Variants in HTR1F observed in about 807,000 individuals in gnomAD.
The protein encoded by HTR1F is 5-hydroxytryptamine (serotonin) receptor 1F, G protein-coupled.
A neutral mutation model predicts 24.0 loss-of-function variants in HTR1F; 17 were observed. The observed-to-expected ratio is 0.71, with a 90% CI of 0.48 to 1.06. The LOEUF is 1.06. Among genes scored for constraint, HTR1F ranks in the 50% least tolerant of loss-of-function variants. The probability of loss-of-function intolerance (pLI) is 0.00; values close to 1 mark genes in which losing one functional copy is unlikely to be tolerated. For synonymous variants in HTR1F, 186 were observed against 156.8 expected (o/e 1.19, Z -1.39); for missense variants, 391 against 427.8 (o/e 0.91, Z 0.76).
intron 2 of HTR1F, among the ~76,000 whole-genome samples, chr3:87,874,074 G>T (rs1012805168): frequency 6.6e-6 from 1 of 152,008 alleles, no homozygotes; most frequent in Non-Finnish European, 1.5e-5. Flanking sequence ...ACAAGACAAG[G>T]AGATGTCCAC....
chr3:87,927,311 A>T (rs1377025807), intron 2 of HTR1F, among the ~76,000 whole-genome samples: 1 of 152,168 alleles, frequency 6.6e-6, no homozygotes, highest in Non-Finnish European at 1.5e-5. Context: ...TGTTGATCAC[A>T]CGTTGTTTCA....
At chr3:87,915,883 T>C (rs1444574596) in intron 2 of HTR1F, among the ~76,000 whole-genome samples, 4 of 152,094 alleles carry the variant, frequency 2.6e-5, no homozygotes, top group African/African-American at 7.2e-5. Flanking sequence ...CGCAAAAATA[T>C]TATCACCTAG....
At chr3:87,941,051 G>C (rs2107439000) in intron 2 of HTR1F, among the ~76,000 whole-genome samples, 1 of 152,290 alleles carries the variant, frequency 6.6e-6, no homozygotes, top group Admixed American at 6.5e-5. Flanking sequence ...ACCTGTGTAA[G>C]GACTCCTAGA....
intron 2 of HTR1F, among the ~76,000 whole-genome samples, chr3:87,856,396 C>A (rs1705200238): frequency 6.6e-6 from 1 of 152,000 alleles, no homozygotes; most frequent in African/African-American, 2.4e-5. Flanking sequence ...GAAATTTCTG[C>A]ACTTTACACT....
rs1022258653 is a variant in HTR1F at position 87,845,365 on chromosome 3, G to A, written c.-43+23241G>A. Among the ~76,000 whole-genome samples the A allele has an allele frequency of 4.2e-4, 63 of 151,566 alleles. 3 individuals carry two copies. The highest frequency in any genetic ancestry group is 1.5e-3 in the African/African-American group (62 of 41,022). On this transcript the variant is annotated intron_variant, in intron 2 of 2. Coordinates refer to ENST00000319595, the MANE Select transcript of HTR1F (RefSeq NM_001322209.2). Reference sequence around the variant, plus strand: ...TCTCAGCCCAAAATCTCCTTAAGCTGATAAGCAACTTCAGCAAAGTCTCAG... The same window carrying A: ...TCTCAGCCCAAAATCTCCTTAAGCTAATAAGCAACTTCAGCAAAGTCTCAG...
At chr3:87,915,997 A>G (rs1176419048) in intron 2 of HTR1F, among the ~76,000 whole-genome samples, 1 of 152,182 alleles carries the variant, frequency 6.6e-6, no homozygotes, top group Admixed American at 6.6e-5. Context: ...TATCAGATTA[A>G]CAGCAGATTT....
At chr3:87,818,676 T>C (rs549392754) in intron 1 of HTR1F, among the ~76,000 whole-genome samples, 1 of 152,286 alleles carries the variant, frequency 6.6e-6, no homozygotes, top group Admixed American at 6.5e-5. Flanking sequence ...TTTCCCCTGT[T>C]TACCCATCCA....
intron 1 of HTR1F, among the ~76,000 whole-genome samples, chr3:87,798,346 C>G (rs187124312): frequency 1.8e-3 from 276 of 152,242 alleles, no homozygotes; most frequent in Admixed American, 4.6e-3. Flanking sequence ...TGACCACCCT[C>G]TCTGCTCTGG....
intron 2 of HTR1F, among the ~76,000 whole-genome samples, chr3:87,854,886 T>G (rs1705165166): frequency 6.6e-6 from 1 of 152,040 alleles, no homozygotes; most frequent in Admixed American, 6.6e-5. Flanking sequence ...TCTAGAAATG[T>G]TATTGTTTTG....
intron 2 of HTR1F, among the ~76,000 whole-genome samples, chr3:87,973,135 C>A (rs1002713157): frequency 6.6e-6 from 1 of 152,094 alleles, no homozygotes; most frequent in African/African-American, 2.4e-5. Context: ...TGCACCATTG[C>A]ACTCCAGCCT....
intron 2 of HTR1F, among the ~76,000 whole-genome samples, chr3:87,946,455 A>G (rs1215737590): frequency 1.3e-5 from 2 of 152,122 alleles, no homozygotes; most frequent in East Asian, 1.9e-4. Context: ...ATTTTCTAAT[A>G]GGCAAAAATC....
chr3:87,836,740 A>G (rs1704691020), intron 2 of HTR1F, among the ~76,000 whole-genome samples: 1 of 152,004 alleles, frequency 6.6e-6, no homozygotes, highest in Non-Finnish European at 1.5e-5. Context: ...ATATGTATCA[A>G]CTCTCTCCTA....
At chr3:87,920,376 A>C (rs1174764867) in intron 2 of HTR1F, among the ~76,000 whole-genome samples, 2 of 152,056 alleles carry the variant, frequency 1.3e-5, no homozygotes, top group African/African-American at 2.4e-5. Context: ...ACCAAACACC[A>C]CCTGTTCCCC....
At chr3:87,823,515 TA>T (rs150843593) in intron 2 of HTR1F, among the ~76,000 whole-genome samples, 21 of 124,316 alleles carry the variant, frequency 1.7e-4, no homozygotes, top group Non-Finnish European at 3.2e-4. Flanking sequence ...ACTGGTCCCA[TA>T]TTTTTTTTTT....
chr3:87,803,187 A>G (rs1575886663), intron 1 of HTR1F, among the ~76,000 whole-genome samples: 1 of 152,150 alleles, frequency 6.6e-6, no homozygotes, highest in Non-Finnish European at 1.5e-5. Context: ...AAGTTCACTC[A>G]GCCACCATCA....
At chr3:87,981,481 C>T (rs1459216847) in intron 2 of HTR1F, among the ~76,000 whole-genome samples, 1 of 152,216 alleles carries the variant, frequency 6.6e-6, no homozygotes, top group Non-Finnish European at 1.5e-5. Flanking sequence ...AGGTGTGAGC[C>T]ACCATGCCTG....
intron 2 of HTR1F, among the ~76,000 whole-genome samples, chr3:87,940,772 A>G (rs1162480645): frequency 1.3e-5 from 2 of 152,226 alleles, no homozygotes; most frequent in Non-Finnish European, 2.9e-5. Flanking sequence ...GTACCACAAC[A>G]GACATATGGA....
chr3:87,965,143 C>T (rs1426365919), intron 2 of HTR1F, among the ~76,000 whole-genome samples: 1 of 152,180 alleles, frequency 6.6e-6, no homozygotes, highest in Non-Finnish European at 1.5e-5. Context: ...GACTAATATA[C>T]TGCCCCTGTG....
At chr3:87,978,167 C>T (rs1705439869) in intron 2 of HTR1F, among the ~76,000 whole-genome samples, 1 of 152,144 alleles carries the variant, frequency 6.6e-6, no homozygotes, top group South Asian at 2.1e-4. Context: ...TGGGCACCCA[C>T]CTCTGGATGA....
Sources: gnomAD v4.1 joint callset for allele counts (sites outside exome capture counted in the v4.1 genomes callset) on GRCh38, gnomAD v4.1.1 for gene constraint, MANE v1.5 for transcripts, NCBI Gene and HGNC (gene_info 2026-07-23, HGNC 2026-07-21) for gene names.